Variants in CCDC148 observed in about 807,000 individuals in gnomAD.
CCDC148 encodes the protein coiled-coil domain containing 148.
CCDC148 carries 89 observed loss-of-function variants against 85.7 expected under a neutral mutation model. The ratio of observed to expected loss-of-function variants is 1.04; its 90% CI spans 0.87 to 1.24. CCDC148 has a LOEUF of 1.24. CCDC148 is among the 50% of genes most tolerant of loss of function. The pLI is 0.00. For synonymous variants in CCDC148, 230 were observed against 213.9 expected (o/e 1.08, Z -0.66); for missense variants, 692 against 671.7 (o/e 1.03, Z -0.33).
chr2:158,396,904 T>C (rs574334720), intron 1 of CCDC148, among the ~76,000 whole-genome samples: 18 of 152,214 alleles, frequency 1.2e-4, no homozygotes, highest in South Asian at 1.0e-3. Flanking sequence ...AAAACACTTA[T>C]TGGCTTTCCT....
At chr2:158,209,833 A>G (rs1396202092) in intron 11 of CCDC148, among the ~76,000 whole-genome samples, 1 of 152,158 alleles carries the variant, frequency 6.6e-6, no homozygotes, top group African/African-American at 2.4e-5. Flanking sequence ...CAGAAAGAAA[A>G]AACCGGTACC....
intron 1 of CCDC148, among the ~76,000 whole-genome samples, chr2:158,363,038 C>T (rs1202769439): frequency 6.6e-6 from 1 of 152,132 alleles, no homozygotes; most frequent in Admixed American, 6.5e-5. Context: ...ACTATAAATA[C>T]CTCTATGCAA....
At chr2:158,340,455 GATC>G in intron 4 of CCDC148, 62 bp from the exon 5 acceptor site, 1 of 1,551,868 alleles carries the variant, frequency 6.4e-7, no homozygotes, top group Non-Finnish European at 8.8e-7. Flanking sequence ...TCCAAAAACA[GATC>G]ATTAGAGTAC....
At chr2:158,186,082 A>G (rs1418555088) in intron 11 of CCDC148, among the ~76,000 whole-genome samples, 2 of 151,468 alleles carry the variant, frequency 1.3e-5, no homozygotes, top group African/African-American at 2.4e-5. Context: ...ACCTGCAGAG[A>G]GGAGGCTGAG....
At chr2:158,433,984 G>A (rs772271480) in intron 1 of CCDC148, among the ~76,000 whole-genome samples, 109 of 152,296 alleles carry the variant, frequency 7.2e-4, no homozygotes, top group Non-Finnish European at 1.4e-3. Flanking sequence ...GCTCCAATTG[G>A]GTGAAGCCCA....
chr2:158,345,382 A>C (rs1682947797), intron 2 of CCDC148, 64 bp from the exon 3 acceptor site: 1 of 1,090,148 alleles, frequency 9.2e-7, no homozygotes, highest in Admixed American at 2.1e-5. Flanking sequence ...TTCACAACAG[A>C]AATGCTTAAT....
intron 9 of CCDC148, among the ~76,000 whole-genome samples, chr2:158,267,018 C>T (rs936207214): frequency 6.6e-6 from 1 of 151,302 alleles, no homozygotes; most frequent in Non-Finnish European, 1.5e-5. Flanking sequence ...TGAAATTATA[C>T]CCACATTCTT....
chr2:158,316,383 T>C (rs1692283793), intron 7 of CCDC148, among the ~76,000 whole-genome samples: 1 of 152,178 alleles, frequency 6.6e-6, no homozygotes, highest in Non-Finnish European at 1.5e-5. Context: ...GTGACAATAT[T>C]AAACCACTTA....
At chr2:158,189,270 C>A (rs752906959) in intron 11 of CCDC148, among the ~76,000 whole-genome samples, 1 of 151,860 alleles carries the variant, frequency 6.6e-6, no homozygotes, top group Non-Finnish European at 1.5e-5. Context: ...TAAATCAATT[C>A]ATTCCCTTTT....
intron 10 of CCDC148, among the ~76,000 whole-genome samples, chr2:158,241,796 A>G (rs891724613): frequency 6.6e-6 from 1 of 152,308 alleles, no homozygotes; most frequent in African/African-American, 2.4e-5. Flanking sequence ...AGTAAATGAA[A>G]TATGTTGAGC....
chr2:158,357,420 A>G (rs544951628), intron 2 of CCDC148, among the ~76,000 whole-genome samples: 1 of 152,278 alleles, frequency 6.6e-6, no homozygotes, highest in Non-Finnish European at 1.5e-5. Flanking sequence ...ATTAGGGAGA[A>G]AAGTATACAT....
chr2:158,309,023 T>A (rs1559059768), intron 9 of CCDC148, among the ~76,000 whole-genome samples: 1 of 152,198 alleles, frequency 6.6e-6, no homozygotes, highest in East Asian at 1.9e-4. Context: ...TATTTCATCA[T>A]AAAGCCTCTC....
At chr2:158,243,049 T>C (rs528186354) in intron 10 of CCDC148, among the ~76,000 whole-genome samples, 1 of 152,196 alleles carries the variant, frequency 6.6e-6, no homozygotes, top group East Asian at 1.9e-4. Context: ...TGTCTCTCTC[T>C]TAAAATGCCG....
In CCDC148 at chr2:158,180,625, G is replaced by T. The variant is rs185143633; in HGVS notation, c.1371-1629C>A. On this transcript the variant is annotated intron_variant, in intron 11 of 13. Coordinates refer to ENST00000283233, the MANE Select transcript of CCDC148 (RefSeq NM_138803.4). ...CCACGAGAGGGGAAGAGCTCAGGGT[G>T]GCAAGAACAGAACAAGTGAATGATG... Among the ~76,000 whole-genome samples, 56 of 152,150 alleles carry T rather than the reference G, an allele frequency of 3.7e-4. 1 individual carries two copies. In the Middle Eastern group the frequency reaches 0.02, roughly 55 times the overall value.
chr2:158,260,983 A>G (rs1689197547), intron 9 of CCDC148, among the ~76,000 whole-genome samples: 1 of 149,812 alleles, frequency 6.7e-6, no homozygotes, highest in Non-Finnish European at 1.5e-5. Context: ...TCAAACTACC[A>G]ATGATATGCT....
chr2:158,414,733 G>A (rs1366440334), intron 1 of CCDC148, among the ~76,000 whole-genome samples: 1 of 152,160 alleles, frequency 6.6e-6, no homozygotes, highest in Non-Finnish European at 1.5e-5. Flanking sequence ...AAGTATGTGA[G>A]GCATGAATGA....
At chr2:158,200,170 C>T (rs879895969) in intron 11 of CCDC148, among the ~76,000 whole-genome samples, 1 of 152,104 alleles carries the variant, frequency 6.6e-6, no homozygotes, top group Non-Finnish European at 1.5e-5. Flanking sequence ...AGGTTCATGC[C>T]CTGAAATTGG....
intron 1 of CCDC148, among the ~76,000 whole-genome samples, chr2:158,378,762 T>C (rs1684755480): frequency 6.6e-6 from 1 of 152,140 alleles, no homozygotes; most frequent in African/African-American, 2.4e-5. Context: ...CAACAAAGCC[T>C]GGGTGATAGC....
chr2:158,298,478 T>C (rs944746089), intron 9 of CCDC148, among the ~76,000 whole-genome samples: 11 of 152,192 alleles, frequency 7.2e-5, no homozygotes, highest in Admixed American at 3.3e-4. Flanking sequence ...GGAACTTTAA[T>C]TACATATATA....
Sources: gnomAD v4.1 joint callset for allele counts (sites outside exome capture counted in the v4.1 genomes callset) on GRCh38, gnomAD v4.1.1 for gene constraint, MANE v1.5 for transcripts, NCBI Gene and HGNC (gene_info 2026-07-23, HGNC 2026-07-21) for gene names.